Variants in STAG1 observed in about 807,000 individuals in gnomAD.
STAG1 encodes STAG1 cohesin complex component.
A neutral mutation model predicts 170.9 loss-of-function variants in STAG1; 26 were observed. The observed-to-expected ratio is 0.15, with a 90% CI of 0.11 to 0.21. The LOEUF is 0.21. Among genes scored for constraint, STAG1 ranks in the 10% least tolerant of loss-of-function variants. The pLI is 1.00. For synonymous variants in STAG1, 514 were observed against 497.7 expected (o/e 1.03, Z -0.44); for missense variants, 964 against 1,509.5 (o/e 0.64, Z 5.99).
At chr3:136,490,995 G>A (rs2090114911) in intron 9 of STAG1, among the ~76,000 whole-genome samples, 1 of 152,034 alleles carries the variant, frequency 6.6e-6, no homozygotes, top group Non-Finnish European at 1.5e-5. Flanking sequence ...GGTATGTCTA[G>A]ATGTAGAATA....
At chr3:136,737,972 G>C (rs1934439206) in intron 1 of STAG1, among the ~76,000 whole-genome samples, 1 of 152,052 alleles carries the variant, frequency 6.6e-6, no homozygotes, top group Non-Finnish European at 1.5e-5. Flanking sequence ...GGAGGCTGAG[G>C]CAGGAGAATC....
At chr3:136,580,262 C>T (rs1057103213) in intron 4 of STAG1, among the ~76,000 whole-genome samples, 13 of 151,262 alleles carry the variant, frequency 8.6e-5, no homozygotes, top group Admixed American at 2.6e-4. Context: ...CCACCGCGCC[C>T]GGCTCATTTG....
intron 13 of STAG1, among the ~76,000 whole-genome samples, chr3:136,463,858 T>C (rs915740069): frequency 6.8e-6 from 1 of 146,232 alleles, no homozygotes; most frequent in Non-Finnish European, 1.5e-5. Context: ...TATAAATATA[T>C]ATTTATATAT....
chr3:136,608,948 T>C (rs1576662610), intron 3 of STAG1: 2 of 152,310 alleles, frequency 1.3e-5, no homozygotes, highest in South Asian at 2.1e-4. Context: ...CGGGTATCAG[T>C]AGCTCAGGCA....
chr3:136,568,400 TA>T (rs1937155569), intron 5 of STAG1, among the ~76,000 whole-genome samples: 1 of 152,090 alleles, frequency 6.6e-6, no homozygotes, highest in African/African-American at 2.4e-5. Flanking sequence ...GGCAGGGATA[TA>T]AAAGAATGAA....
chr3:136,414,418 T>A (rs966477349), intron 21 of STAG1, among the ~76,000 whole-genome samples: 1 of 152,226 alleles, frequency 6.6e-6, no homozygotes, highest in Non-Finnish European at 1.5e-5. Context: ...CCGTAAGAAT[T>A]AACTCCTCAT....
chr3:136,518,554 A>C (rs549729490), intron 7 of STAG1: 1 of 598,174 alleles, frequency 1.7e-6, no homozygotes, highest in Admixed American at 2.6e-5. Context: ...TTAAGTTCTC[A>C]GCAAGCCCTC....
intron 1 of STAG1, among the ~76,000 whole-genome samples, chr3:136,736,320 C>T (rs990251843): frequency 2.6e-5 from 4 of 152,032 alleles, no homozygotes; most frequent in African/African-American, 4.8e-5. Context: ...AACCAAGCCC[C>T]GCATTTCAAT....
At position 136,707,022 on chromosome 3, in the gene STAG1, C is replaced by G. The variant is rs185684838; in HGVS notation, c.-84+45173G>C. On this transcript the variant is annotated intron_variant, in intron 1 of 33. Transcript: ENST00000383202. ...CACAAGCAAAAGAATGAAGTTGGAC[C>G]CTTACCTCACGCCATACTAAAAATT... Among the ~76,000 whole-genome samples the G allele has an allele frequency of 1.1e-3, 168 of 152,130 alleles. 1 individual carries two copies. Among genetic ancestry groups the G allele is most frequent in the Non-Finnish European group, 2.5e-4 (17 of 67,994 alleles).
At chr3:136,683,904 G>A (rs528341298) in intron 1 of STAG1, among the ~76,000 whole-genome samples, 12 of 152,168 alleles carry the variant, frequency 7.9e-5, no homozygotes, top group Admixed American at 3.3e-4. Flanking sequence ...CAAACAATTT[G>A]ACATTTAAAA....
At chr3:136,527,627 A>G (rs1302816484) in intron 6 of STAG1, among the ~76,000 whole-genome samples, 2 of 152,140 alleles carry the variant, frequency 1.3e-5, no homozygotes, top group African/African-American at 2.4e-5. Flanking sequence ...GTTACTGACG[A>G]GGAGCTGTGT....
chr3:136,435,654 A>G (rs2088438283), intron 15 of STAG1, among the ~76,000 whole-genome samples: 1 of 151,948 alleles, frequency 6.6e-6, no homozygotes, highest in African/African-American at 2.4e-5. Context: ...CATAGATTCT[A>G]TACTTTCCCG....
At chr3:136,344,108 GC>G in intron 29 of STAG1, 102 bp from the exon 30 acceptor site, 1 of 800,370 alleles carries the variant, frequency 1.2e-6, no homozygotes, top group East Asian at 3.0e-5. Context: ...CAGTCAGACT[GC>G]CCACTTTAAA....
chr3:136,349,418 T>G, intron 28 of STAG1, 55 bp from the exon 29 acceptor site: 1 of 1,324,234 alleles, frequency 7.6e-7, no homozygotes, highest in Non-Finnish European at 1.1e-6. Context: ...CATACATCAC[T>G]TACTTTTTCT....
chr3:136,619,930 G>C (rs1248032852), intron 3 of STAG1, among the ~76,000 whole-genome samples: 11 of 151,990 alleles, frequency 7.2e-5, no homozygotes, highest in Admixed American at 7.2e-4. Context: ...ATGCGTGGTG[G>C]CGTGCGTCTG....
intron 10 of STAG1, among the ~76,000 whole-genome samples, chr3:136,473,920 A>C (rs1255359058): frequency 6.6e-6 from 1 of 152,216 alleles, no homozygotes; most frequent in Non-Finnish European, 1.5e-5. Flanking sequence ...ATCCAGAGGC[A>C]CAAAGAGAGA....
In STAG1 at chr3:136,623,230, A is replaced by G; in HGVS notation, c.48T>C (p.Thr16=). The change falls in exon 3 of 34, where the codon ACT becomes ACC. Residue 16 remains threonine (T), a synonymous_variant. Coordinates refer to ENST00000383202, the MANE Select transcript of STAG1 (RefSeq NM_005862.3). The part of the protein sequence containing the change: ...LPVLQDSTNE[T]TAHSDAGSEL... ...CGCTGCCAGCATCGGAATGGGCAGT[A>G]GTTTCATTAGTTGAATCCCTAGAAA... The G allele has an allele frequency of 6.2e-7, 1 of 1,613,270 alleles. No individual in the cohort carries two copies. The highest frequency in any genetic ancestry group is 8.5e-7 in the Non-Finnish European group (1 of 1,179,456).
chr3:136,377,562 C>T, intron 23 of STAG1, 98 bp downstream of exon 23: 1 of 871,682 alleles, frequency 1.1e-6, no homozygotes, highest in South Asian at 1.5e-5. Context: ...TAGGAATGAA[C>T]ATGTGTACAA....
intron 1 of STAG1, among the ~76,000 whole-genome samples, chr3:136,657,821 C>CA (rs1281970969): frequency 6.6e-6 from 1 of 151,892 alleles, no homozygotes; most frequent in African/African-American, 2.4e-5. Flanking sequence ...GTTGCTGTCT[C>CA]AAAAAACAAA....
Sources: allele counts gnomAD v4.1 joint callset (sites outside exome capture counted in the v4.1 genomes callset), GRCh38; gene constraint gnomAD v4.1.1; transcripts MANE v1.5; gene names NCBI Gene and HGNC (gene_info 2026-07-23, HGNC 2026-07-21).